MLLT1: variants seen among roughly 807,000 people sequenced by gnomAD.
The protein encoded by MLLT1 is MLLT1 super elongation complex subunit.
In MLLT1, 11 loss-of-function variants were observed where a neutral mutation model predicts 55.1. That is an observed-to-expected ratio of 0.20 (90% confidence interval 0.13 to 0.33). The LOEUF (loss-of-function observed/expected upper bound fraction) is 0.33. MLLT1 is among the 10% of genes least tolerant of loss of function. The probability of loss-of-function intolerance (pLI) is 1.00; values close to 1 mark genes in which losing one functional copy is unlikely to be tolerated. For missense variants in MLLT1, 536 were observed against 760.6 expected, an observed-to-expected ratio of 0.70 and a Z score of 3.47; for synonymous variants, 323 against 320.1, an observed-to-expected ratio of 1.01 and a Z score of -0.10.
At position 6,270,809 on chromosome 19, in the gene MLLT1, G is replaced by A. The variant is rs370428052; in HGVS notation, c.13-50C>T. 15 of 1,538,176 alleles carry A rather than the reference G, an allele frequency of 9.8e-6. No individual in the cohort carries two copies. In the African/African-American group the frequency reaches 1.9e-4, roughly 20 times the overall value. On this transcript the variant is annotated intron_variant, in intron 1 of 11. Transcript: ENST00000252674. The surrounding 1 kb of genome is among the most constrained non-coding windows in gnomAD (Gnocchi z 7.1). ...TGAAGTCAGCACACGCCTCCAAGCA[G>A]GGGACTGTCCCCTTACCCACAGAGA...
At chr19:6,258,430 G>A (rs769406361) in intron 3 of MLLT1, among the ~76,000 whole-genome samples, 4 of 152,106 alleles carry the variant, frequency 2.6e-5, no homozygotes, top group East Asian at 1.9e-4. Context: ...TGCCCAACAC[G>A]CATGTTCCCA....
At position 6,210,947 on chromosome 19, in the gene MLLT1, G is replaced by A. The variant is rs983093718; in HGVS notation, c.*2095C>T. The A allele has an allele frequency of 2.2e-5, 5 of 231,268 alleles. No individual in the cohort carries two copies. Among genetic ancestry groups the A allele is most frequent in the Non-Finnish European group, 3.4e-5 (4 of 116,922 alleles). 14.3% of individuals were successfully genotyped at this position (231,268 alleles called of 1,614,324 possible). ...ACTGAGAACTGGGTTGGTGCTTCCG[G>A]AGGCCTTGGAAACGGCAGGAAGGGC... is the stretch of plus-strand genomic sequence containing the variant. On this transcript the variant is annotated 3_prime_UTR_variant, in exon 12 of 12. Transcript: ENST00000252674. The surrounding 1 kb of genome is among the most constrained non-coding windows in gnomAD (Gnocchi z 4.6).
chr19:6,216,383 CT>C (rs761020009), intron 8 of MLLT1, 21 bp downstream of exon 8: 4 of 1,570,846 alleles, frequency 2.5e-6, no homozygotes, highest in Non-Finnish European at 3.5e-6. Flanking sequence ...CCTCCGCCCC[CT>C]GGCTCCCACC....
rs1237530936 is a variant in MLLT1, at chr19:6,226,454, A to G, written c.546+523T>C. Among the ~76,000 whole-genome samples, 1 of 152,120 alleles carries G rather than the reference A, an allele frequency of 6.6e-6. No individual in the cohort carries two copies. The highest frequency in any genetic ancestry group is 1.5e-5 in the Non-Finnish European group (1 of 68,016). On this transcript the variant is annotated intron_variant, in intron 5 of 11. Transcript: ENST00000252674. The surrounding 1 kb of genome is among the most constrained non-coding windows in gnomAD (Gnocchi z 6.3). ...CGACTGGGCCGAGATGAGACCGTAA[A>G]AAGTTTCTTCCACACTGAAATTCAG...
chr19:6,234,875 C>G (rs1363061295), intron 3 of MLLT1, among the ~76,000 whole-genome samples: 3 of 149,270 alleles, frequency 2.0e-5, no homozygotes, highest in African/African-American at 7.5e-5. Context: ...GTGTGGATCT[C>G]ATCAATGTCC....
In MLLT1 at chr19:6,216,401, T is replaced by C; in HGVS notation, c.1307+4A>G. On this transcript the variant is annotated splice_donor_region_variant and intron_variant, in intron 8 of 11. Transcript: ENST00000252674. ...CCGCCCCCTGGCTCCCACCGGGCCG[T>C]CACCTGGAGTCCCTCCCCGGGTTGG... The C allele has an allele frequency of 6.3e-7, 1 of 1,599,674 alleles. No homozygotes were observed. The highest frequency in any genetic ancestry group is 8.5e-7 in the Non-Finnish European group (1 of 1,173,912).
intron 3 of MLLT1, among the ~76,000 whole-genome samples, chr19:6,237,269 A>C (rs1169166695): frequency 6.6e-6 from 1 of 151,802 alleles, no homozygotes; most frequent in Non-Finnish European, 1.5e-5. Context: ...TCTGCCCCAC[A>C]CCCCACCTGG....
intron 5 of MLLT1, among the ~76,000 whole-genome samples, chr19:6,223,603 C>T (rs530345972): frequency 1.3e-5 from 2 of 152,330 alleles, no homozygotes; most frequent in East Asian, 3.9e-4. Context: ...GGCAATGGCA[C>T]AGGCCAGGCT....
intron 5 of MLLT1, among the ~76,000 whole-genome samples, chr19:6,224,713 A>AT (rs1046724672): frequency 4.6e-5 from 7 of 152,172 alleles, no homozygotes; most frequent in African/African-American, 1.4e-4. Flanking sequence ...AGGCACTACG[A>AT]TTTTTTTGTT....
chr19:6,260,752 G>A (rs1265406947), intron 3 of MLLT1, among the ~76,000 whole-genome samples: 1 of 152,242 alleles, frequency 6.6e-6, no homozygotes, highest in Non-Finnish European at 1.5e-5. Context: ...AGGCTGAGGT[G>A]GGAGGATCGC....
At chr19:6,275,184 T>C (rs2091421883) in intron 1 of MLLT1, among the ~76,000 whole-genome samples, 1 of 152,228 alleles carries the variant, frequency 6.6e-6, no homozygotes, top group African/African-American at 2.4e-5. Flanking sequence ...GAATTCTCAA[T>C]AGATGCCCTT....
intron 3 of MLLT1, among the ~76,000 whole-genome samples, chr19:6,238,287 T>G (rs1216264423): frequency 6.6e-6 from 1 of 152,246 alleles, no homozygotes; most frequent in African/African-American, 2.4e-5. Context: ...ATTGGGCATG[T>G]GATAATGTTA....
intron 3 of MLLT1, among the ~76,000 whole-genome samples, chr19:6,232,504 C>T (rs891655919): frequency 9.2e-5 from 14 of 152,326 alleles, no homozygotes; most frequent in African/African-American, 3.4e-4. Flanking sequence ...ATACAGGTAT[C>T]AATCACGACA....
At position 6,240,328 on chromosome 19, in the gene MLLT1, C is replaced by T. The variant is rs986531854; in HGVS notation, c.277-9615G>A. Among the ~76,000 whole-genome samples the T allele has an allele frequency of 2.0e-5, 3 of 152,180 alleles. No individual in the cohort carries two copies. Among genetic ancestry groups the T allele is most frequent in the Admixed American group, 1.3e-4 (2 of 15,282 alleles). On this transcript the variant is annotated intron_variant, in intron 3 of 11. Coordinates refer to ENST00000252674, the MANE Select transcript of MLLT1 (RefSeq NM_005934.4). This position sits in a 1 kb window ranked among gnomAD's most constrained non-coding sequence, Gnocchi z 4.7. The stretch of plus-strand genomic sequence containing the variant: ...AGAGGCTGGCCCTGGTCAGGGGAGG[C>T]GGGGGAGTTTTCTTCTTGTACCCCT...
Position 6,278,267 on chromosome 19 carries a change from G to C in MLLT1, c.12+1506C>G, listed in dbSNP as rs569095234. Among the ~76,000 whole-genome samples, 3 of 152,302 alleles carry C rather than the reference G, an allele frequency of 2.0e-5. No individual in the cohort carries two copies. The East Asian group carries it at 5.8e-4, about 29-fold the overall frequency. On this transcript the variant is annotated intron_variant, in intron 1 of 11. Transcript: ENST00000252674. ...GAGGAAGAAATGATCCCATGTTGGG[G>C]GCCAGCAATGCTTCTGGGCTTGAGG...
rs987533978 is a variant in MLLT1 at position 6,226,646 on chromosome 19, G to A, written c.546+331C>T. On this transcript the variant is annotated intron_variant, in intron 5 of 11. Transcript: ENST00000252674. The surrounding 1 kb of genome is among the most constrained non-coding windows in gnomAD (Gnocchi z 6.3). The stretch of plus-strand genomic sequence containing the variant: ...CCTAGACAGAGACACTCTACCCAGC[G>A]GCCGCCCCAACAGCCTTCGGCGAAG... Among the ~76,000 whole-genome samples the A allele has an allele frequency of 3.3e-5, 5 of 152,140 alleles. No individual in the cohort carries two copies. The highest frequency in any genetic ancestry group is 9.6e-5 in the African/African-American group (4 of 41,454).
rs908447362 is a variant in MLLT1 at position 6,219,047 on chromosome 19, A to C, written c.1111-1006T>G. 5.9e-5 allele frequency among the ~76,000 whole-genome samples: 9 copies of C among 152,108 alleles called. No individual in the cohort carries two copies. Among genetic ancestry groups the C allele is most frequent in the Admixed American group, 2.0e-4 (3 of 15,296 alleles). ...GCCATGCAAGGGAAGCCGTGAACGG[A>C]GTACTGAGCTGGTGGGACTCAGGAC... On this transcript the variant is annotated intron_variant, in intron 6 of 11. Coordinates refer to ENST00000252674, the MANE Select transcript of MLLT1 (RefSeq NM_005934.4). This position sits in a 1 kb window ranked among gnomAD's most constrained non-coding sequence, Gnocchi z 4.5.
In MLLT1 at chr19:6,235,811, G is replaced by A. The variant is rs1230629630; in HGVS notation, c.277-5098C>T. On this transcript the variant is annotated intron_variant, in intron 3 of 11. Transcript: ENST00000252674. The surrounding 1 kb of genome is among the most constrained non-coding windows in gnomAD (Gnocchi z 5.5). ...AGCCTGGAGGAGGCTCCACATCCTC[G>A]GTGCAGCCAGAGGGACATGCTGCCT... 6.6e-6 allele frequency among the ~76,000 whole-genome samples: 1 copy of A among 152,046 alleles called. No individual in the cohort carries two copies. Among genetic ancestry groups the A allele is most frequent in the African/African-American group, 2.4e-5 (1 of 41,402 alleles).
chr19:6,254,692 A>G (rs1272453456), intron 3 of MLLT1, among the ~76,000 whole-genome samples: 3 of 152,192 alleles, frequency 2.0e-5, no homozygotes, highest in African/African-American at 7.2e-5. Context: ...TCCTTCTTCT[A>G]TAAGGGAATT....
Sources: gnomAD v4.1 joint callset for allele counts (sites outside exome capture counted in the v4.1 genomes callset) on GRCh38, gnomAD v4.1.1 for gene constraint, Gnocchi (gnomAD v3.1) non-coding constraint, MANE v1.5 for transcripts, NCBI Gene and HGNC (gene_info 2026-07-23, HGNC 2026-07-21) for gene names.